The following CSMD1 variants were observed in gnomAD, a reference collection of about 807,000 sequenced individuals.
CSMD1 encodes CUB and sushi domain-containing protein 1.
In CSMD1, 213 loss-of-function variants were observed where a neutral mutation model predicts 417.5. That is an observed-to-expected ratio of 0.51 (90% CI 0.46 to 0.57). The LOEUF (loss-of-function observed/expected upper bound fraction) is 0.57, where lower values mean the gene tolerates loss of function less well. CSMD1 is among the 20% of genes least tolerant of loss of function. The pLI is 0.00. For missense variants in CSMD1, 6,923 were observed against 4,529.7 expected (o/e 1.53, Z -15.17); for synonymous variants, 2,862 against 1,736.8 (o/e 1.65, Z -16.11).
At chr8:4,377,796 C>A (rs1017288487) in intron 3 of CSMD1, among the ~76,000 whole-genome samples, 1 of 152,120 alleles carries the variant, frequency 6.6e-6, no homozygotes, top group African/African-American at 2.4e-5. Context: ...AATATCCAAG[C>A]GTTGTACAAT....
chr8:4,361,075 G>C (rs1223771603), intron 3 of CSMD1, among the ~76,000 whole-genome samples: 1 of 152,142 alleles, frequency 6.6e-6, no homozygotes, highest in East Asian at 1.9e-4. Context: ...CCCAACAGAT[G>C]TTTTGTCAGT....
chr8:4,463,527 G>A (rs1413773783), intron 2 of CSMD1, among the ~76,000 whole-genome samples: 1 of 152,042 alleles, frequency 6.6e-6, no homozygotes, highest in Non-Finnish European at 1.5e-5. Context: ...GTCAACCGAT[G>A]AAAAAACATG....
At chr8:3,521,267 C>T (rs1340496192) in intron 10 of CSMD1, among the ~76,000 whole-genome samples, 1 of 152,198 alleles carries the variant, frequency 6.6e-6, no homozygotes, top group Admixed American at 6.5e-5. Context: ...GTCCAATCTG[C>T]TTCCTCCCTG....
At chr8:3,265,296 T>G (rs186691734) in intron 26 of CSMD1, among the ~76,000 whole-genome samples, 2 of 152,070 alleles carry the variant, frequency 1.3e-5, no homozygotes, top group East Asian at 1.9e-4. Flanking sequence ...GAGGAAGAAA[T>G]GGTAAACGCA....
intron 2 of CSMD1, among the ~76,000 whole-genome samples, chr8:4,571,487 T>C (rs989278490): frequency 3.3e-5 from 5 of 152,250 alleles, no homozygotes; most frequent in African/African-American, 9.6e-5. Context: ...TCTAATTTGA[T>C]TGCACTGTGG....
chr8:4,639,961 A>G lies in CSMD1; in HGVS notation c.86-2403T>C, dbSNP rs867607821. Among the ~76,000 whole-genome samples, 5 of 152,350 alleles carry G rather than the reference A, an allele frequency of 3.3e-5. No individual in the cohort carries two copies. The South Asian group carries it at 8.3e-4, about 25-fold the overall frequency. On this transcript the variant is annotated intron_variant, in intron 1 of 69. Coordinates refer to ENST00000635120, the MANE Select transcript of CSMD1 (RefSeq NM_033225.6). ...GTTTTGAAAGGTTTTTAAAGAAAAT[A>G]GCTTGTCTGCTTTACGAGTAATTCT...
chr8:4,058,511 C>A (rs1358826112), intron 3 of CSMD1, among the ~76,000 whole-genome samples: 1 of 152,072 alleles, frequency 6.6e-6, no homozygotes, highest in Non-Finnish European at 1.5e-5. Context: ...CTTTTCCTAA[C>A]TGAATACCCT....
At chr8:3,988,396 T>C (rs1814494467) in intron 5 of CSMD1, among the ~76,000 whole-genome samples, 1 of 152,232 alleles carries the variant, frequency 6.6e-6, no homozygotes, top group Non-Finnish European at 1.5e-5. Context: ...TTATGAATGA[T>C]AATTAGTTAT....
intron 26 of CSMD1, among the ~76,000 whole-genome samples, chr8:3,258,592 G>A (rs867940359): frequency 6.6e-6 from 1 of 152,138 alleles, no homozygotes; most frequent in Non-Finnish European, 1.5e-5. Context: ...CCATTATTGG[G>A]TATATGCCCA....
intron 7 of CSMD1, among the ~76,000 whole-genome samples, chr8:3,703,512 G>C (rs1800991408): frequency 6.6e-6 from 1 of 151,988 alleles, no homozygotes; most frequent in African/African-American, 2.4e-5. Flanking sequence ...CTGGTAGCTT[G>C]GGCTGTCAGG....
chr8:4,490,317 G>T (rs1436005131), intron 2 of CSMD1, among the ~76,000 whole-genome samples: 1 of 152,164 alleles, frequency 6.6e-6, no homozygotes, highest in African/African-American at 2.4e-5. Flanking sequence ...TGGGATTACA[G>T]GCATGAGCCA....
chr8:3,485,812 TAAAATAAAATAAA>T (rs984446223), intron 11 of CSMD1, among the ~76,000 whole-genome samples: 1 of 147,470 alleles, frequency 6.8e-6, no homozygotes, highest in Admixed American at 6.7e-5. Context: ...TAAAATAAAA[TAAAATAAAATAAA>T]ATAAAATAAA....
chr8:4,838,083 G>C (rs934476190), intron 1 of CSMD1, among the ~76,000 whole-genome samples: 5 of 152,010 alleles, frequency 3.3e-5, no homozygotes, highest in Non-Finnish European at 7.4e-5. Flanking sequence ...TGGATTTGCC[G>C]GTAATAAAAA....
intron 49 of CSMD1, among the ~76,000 whole-genome samples, chr8:3,061,187 T>C (rs1372108745): frequency 2.0e-5 from 3 of 152,192 alleles, no homozygotes; most frequent in Non-Finnish European, 4.4e-5. Flanking sequence ...CTTTGCTTCC[T>C]CACCTGCAAA....
At chr8:4,236,281 G>A (rs550986692) in intron 3 of CSMD1, among the ~76,000 whole-genome samples, 53 of 151,950 alleles carry the variant, frequency 3.5e-4, no homozygotes, top group Non-Finnish European at 6.5e-4. Flanking sequence ...ACACTGATCG[G>A]AATTCTTACA....
chr8:3,909,587 A>G (rs765781675), intron 5 of CSMD1, among the ~76,000 whole-genome samples: 3 of 152,024 alleles, frequency 2.0e-5, no homozygotes, highest in Admixed American at 2.0e-4. Flanking sequence ...GCATAGAGGG[A>G]AAACTTCTAA....
intron 5 of CSMD1, among the ~76,000 whole-genome samples, chr8:3,855,399 C>T (rs988840249): frequency 1.3e-5 from 2 of 151,948 alleles, no homozygotes; most frequent in South Asian, 2.1e-4. Context: ...ATAAAAACAA[C>T]AAAAATAAAA....
At position 3,110,236 on chromosome 8, in the gene CSMD1, G is replaced by A. The variant is rs762177917; in HGVS notation, c.6530C>T (p.Thr2177Met). The A allele has an allele frequency of 4.5e-5, 72 of 1,613,100 alleles. No homozygotes were observed. The Admixed American group carries it at 6.7e-4, about 15-fold the overall frequency. Residue 2177 changes from threonine to methionine, a missense_variant, in exon 43 of 70, where the codon ACG (threonine) becomes ATG (methionine). Coordinates refer to ENST00000635120, the MANE Select transcript of CSMD1 (RefSeq NM_033225.6). ...PILKDCIWLI[T>M]VPPGHGVYIN... ...GTAAACTCCGTGCCCTGGAGGCACC[G>A]TGATGAGCCAAATGCAGTCCTTCAG...
At chr8:4,188,536 T>A (rs1182482617) in intron 3 of CSMD1, among the ~76,000 whole-genome samples, 1 of 152,132 alleles carries the variant, frequency 6.6e-6, no homozygotes, top group Admixed American at 6.5e-5. Context: ...TTTGAGGCTG[T>A]CTTTAGGAAT....
Sources: gnomAD v4.1 joint callset for allele counts (sites outside exome capture counted in the v4.1 genomes callset) on GRCh38, gnomAD v4.1.1 for gene constraint, MANE v1.5 for transcripts, NCBI Gene and HGNC (gene_info 2026-07-23, HGNC 2026-07-21) for gene names.